LARP1B: variants seen among roughly 807,000 people sequenced by gnomAD.
LARP1B encodes La ribonucleoprotein 1B, also known as la-related protein 1B.
In LARP1B, 76 loss-of-function variants were observed where a neutral mutation model predicts 114.2. The observed-to-expected ratio is 0.67, with a 90% CI of 0.55 to 0.81. LARP1B has a LOEUF of 0.81. LARP1B is among the 30% of genes least tolerant of loss of function. The probability of loss-of-function intolerance (pLI) is 0.00; values close to 1 mark genes in which losing one functional copy is unlikely to be tolerated. For synonymous variants in LARP1B, 345 were observed against 348.0 expected, an observed-to-expected ratio of 0.99 and a Z score of 0.10; for missense variants, 1,014 against 1,075.8, an observed-to-expected ratio of 0.94 and a Z score of 0.80.
chr4:128,107,715 A>G, intron 9 of LARP1B: 1 of 1,452,826 alleles, frequency 6.9e-7, no homozygotes, highest in Non-Finnish European at 9.0e-7. Flanking sequence ...ATACGCTTTA[A>G]TCTTGTCTTG....
chr4:128,117,179 G>C (rs1248819390), intron 10 of LARP1B, among the ~76,000 whole-genome samples: 3 of 151,678 alleles, frequency 2.0e-5, no homozygotes, highest in Non-Finnish European at 1.5e-5. Flanking sequence ...TGGGATTATA[G>C]GGATGAGCTG....
intron 11 of LARP1B, among the ~76,000 whole-genome samples, chr4:128,156,645 G>A (rs1166925219): frequency 2.0e-5 from 3 of 151,806 alleles, no homozygotes; most frequent in Non-Finnish European, 4.4e-5. Context: ...GCCAGCAGCA[G>A]CAGGTGATTG....
In LARP1B at chr4:128,140,154, T is replaced by C. The variant is rs188772761; in HGVS notation, c.1524+17966T>C. On this transcript the variant is annotated intron_variant, in intron 11 of 19. Transcript: ENST00000326639. The stretch of plus-strand genomic sequence containing the variant: ...ACATCTTGTATATTTTTTGTAGTTA[T>C]GGGAAATTTAAGATTACATTGTGTT... Among the ~76,000 whole-genome samples the C allele has an allele frequency of 2.6e-5, 4 of 152,330 alleles. No homozygotes were observed. In the East Asian group the frequency reaches 7.7e-4, roughly 29 times the overall value.
intron 16 of LARP1B, among the ~76,000 whole-genome samples, chr4:128,199,903 T>TA (rs1755410605): frequency 6.6e-6 from 1 of 152,066 alleles, no homozygotes; most frequent in Non-Finnish European, 1.5e-5. Context: ...CTGGCCAACA[T>TA]AGTGAAACTC....
chr4:128,093,697 G>T (rs1012534532), intron 7 of LARP1B, among the ~76,000 whole-genome samples: 5 of 143,302 alleles, frequency 3.5e-5, no homozygotes, highest in Middle Eastern at 3.6e-3. Flanking sequence ...TGGTTGAGGG[G>T]TTTTTTTTAA....
At chr4:128,141,991 G>A (rs568058173) in intron 11 of LARP1B, among the ~76,000 whole-genome samples, 2 of 152,278 alleles carry the variant, frequency 1.3e-5, no homozygotes, top group South Asian at 4.1e-4. Context: ...GTATAAAGGT[G>A]GACATGCTGT....
At chr4:128,206,013 G>A (rs535849200) in intron 17 of LARP1B, among the ~76,000 whole-genome samples, 96 of 152,214 alleles carry the variant, frequency 6.3e-4, no homozygotes, top group African/African-American at 1.8e-3. Context: ...CATACCGGCC[G>A]GGCGCAGTGA....
chr4:128,138,143 T>G (rs963669177), intron 11 of LARP1B, among the ~76,000 whole-genome samples: 1 of 152,142 alleles, frequency 6.6e-6, no homozygotes, highest in African/African-American at 2.4e-5. Flanking sequence ...CAGAATTTAA[T>G]TAATTATATC....
At chr4:128,096,963 A>G (rs1778274836) in intron 7 of LARP1B, among the ~76,000 whole-genome samples, 1 of 151,890 alleles carries the variant, frequency 6.6e-6, no homozygotes, top group African/African-American at 2.4e-5. Context: ...TAGTGGCACC[A>G]TCCCTGTTCA....
At chr4:128,167,622 A>C (rs549366774) in intron 12 of LARP1B, among the ~76,000 whole-genome samples, 1 of 151,950 alleles carries the variant, frequency 6.6e-6, no homozygotes, top group East Asian at 1.9e-4. Context: ...TTTGTGGGTC[A>C]TATTTTTAAA....
intron 9 of LARP1B, chr4:128,107,700 T>TACCAATACGCTTTAATCTTGTC: frequency 7.0e-7 from 1 of 1,437,268 alleles, no homozygotes; most frequent in Non-Finnish European, 9.1e-7. Context: ...TTAATTTTGT[T>TACCAATACGCTTTAATCTTGTC]ACCAATACGC....
At chr4:128,194,458 G>A (rs1380055782) in intron 15 of LARP1B, among the ~76,000 whole-genome samples, 1 of 151,418 alleles carries the variant, frequency 6.6e-6, no homozygotes, top group Non-Finnish European at 1.5e-5. Flanking sequence ...CGAGGCGGGC[G>A]GATCACGAGG....
exon 8 of LARP1B, chr4:128,222,468 C>T (rs1760097994): frequency 2.4e-6 from 1 of 420,098 alleles, no homozygotes; most frequent in Non-Finnish European, 4.9e-6. Flanking sequence ...CGCCCCACCC[C>T]ACATCAATGC....
At position 128,206,428 on chromosome 4, in the gene LARP1B, G is replaced by T; in HGVS notation, c.2310G>T (p.Arg770Ser). Reference sequence around the variant, plus strand: ...TAAACCTTTTATTTTCTCTTTATAGGTATGGGTTAGAATGTCTGTTCAGGT... The same window carrying T: ...TAAACCTTTTATTTTCTCTTTATAGTTATGGGTTAGAATGTCTGTTCAGGT... ...LAWEDAKENYRYGLECLFRFY... is the reference protein window; with the variant it reads ...LAWEDAKENYSYGLECLFRFY... Residue 770 changes from arginine (R) to serine (S), a missense_variant and splice_region_variant, in exon 18 of 20, where the codon AGG becomes AGT. By Grantham distance (110) the Arg-to-Ser change is moderately radical (BLOSUM62 -1). Coordinates refer to ENST00000326639, the MANE Select transcript of LARP1B (RefSeq NM_018078.4). 2.6e-6 allele frequency: 4 copies of T among 1,565,412 alleles called. No homozygotes were observed. The highest frequency in any genetic ancestry group is 3.5e-6 in the Non-Finnish European group (4 of 1,148,968).
At chr4:128,072,812 C>T (rs1182894991) in intron 1 of LARP1B, among the ~76,000 whole-genome samples, 1 of 152,156 alleles carries the variant, frequency 6.6e-6, no homozygotes, top group Non-Finnish European at 1.5e-5. Flanking sequence ...CTGCCTTGGC[C>T]TCCCAAAGCT....
chr4:128,062,045 C>T (rs1215337094), intron 1 of LARP1B: 1 of 985,320 alleles, frequency 1.0e-6, no homozygotes, highest in South Asian at 4.7e-5. Flanking sequence ...GCCGCCGTTG[C>T]TGCGGGATCC....
At chr4:128,087,705 A>C (rs1774189536) in intron 5 of LARP1B, among the ~76,000 whole-genome samples, 1 of 152,164 alleles carries the variant, frequency 6.6e-6, no homozygotes, top group South Asian at 2.1e-4. Context: ...TTGTCCACAA[A>C]ATATGACTTT....
chr4:128,072,031 G>GCT (rs1243145316), intron 1 of LARP1B, among the ~76,000 whole-genome samples: 2 of 151,774 alleles, frequency 1.3e-5, no homozygotes. Flanking sequence ...ATGGAGTCTC[G>GCT]CTCTGTTCCT....
intron 5 of LARP1B, among the ~76,000 whole-genome samples, chr4:128,089,277 A>AT (rs1322279252): frequency 1.3e-5 from 2 of 152,212 alleles, no homozygotes; most frequent in East Asian, 3.8e-4. Context: ...TAATTAGATT[A>AT]TTCCAAGTTG....
Sources: allele counts gnomAD v4.1 joint callset (sites outside exome capture counted in the v4.1 genomes callset), GRCh38; gene constraint gnomAD v4.1.1; transcripts MANE v1.5; gene names NCBI Gene and HGNC (gene_info 2026-07-23, HGNC 2026-07-21).